PNLIPRP1: variants seen among roughly 807,000 people sequenced by gnomAD.
PNLIPRP1 encodes inactive pancreatic lipase-related protein 1.
PNLIPRP1 carries 57 observed loss-of-function variants against 54.6 expected under a neutral mutation model. That is an observed-to-expected ratio of 1.04 (90% CI 0.84 to 1.30). PNLIPRP1 has a LOEUF of 1.30. Ranked by LOEUF, PNLIPRP1 falls within the 50% of genes most tolerant of loss-of-function variation. The pLI is 0.00. For synonymous variants in PNLIPRP1, 232 were observed against 208.8 expected (o/e 1.11, Z -0.96); for missense variants, 567 against 568.5 (o/e 1.00, Z 0.03).
chr10:116,592,804 T>C, intron 4 of PNLIPRP1: 1 of 500,070 alleles, frequency 2.0e-6, no homozygotes, highest in Non-Finnish European at 3.7e-6. Flanking sequence ...CTTCCATTTG[T>C]AGTGAGGGTA....
At chr10:116,607,145 G>T (rs1847948608) in intron 12 of PNLIPRP1, among the ~76,000 whole-genome samples, 1 of 151,846 alleles carries the variant, frequency 6.6e-6, no homozygotes, top group African/African-American at 2.4e-5. Context: ...TCCTACTAAG[G>T]AATCTGCCGA....
At chr10:116,608,612 A>C (rs1412374576) in intron 12 of PNLIPRP1, among the ~76,000 whole-genome samples, 1 of 152,204 alleles carries the variant, frequency 6.6e-6, no homozygotes, top group Non-Finnish European at 1.5e-5. Context: ...TGTGGTGAGG[A>C]TGCAGTTTGC....
rs782581818 is a variant in PNLIPRP1, at chr10:116,592,374, G to A, written c.205-42G>A. 3.2e-6 allele frequency: 5 copies of A among 1,554,094 alleles called. No individual in the cohort carries two copies. The African/African-American group carries it at 6.8e-5, about 21-fold the overall frequency. The stretch of plus-strand genomic sequence containing the variant: ...ATGAGGAAGGAAAAAGGCCTGTGAG[G>A]CTGGGCTGCGAAAACATGAAGCACT... On this transcript the variant is annotated intron_variant, in intron 3 of 12. Transcript: ENST00000358834.
chr10:116,608,811 G>A (rs999840563), intron 12 of PNLIPRP1, among the ~76,000 whole-genome samples: 2 of 152,206 alleles, frequency 1.3e-5, no homozygotes, highest in African/African-American at 4.8e-5. Context: ...CCACCGTCCT[G>A]TGTGACACTC....
intron 11 of PNLIPRP1, 29 bp from the exon 12 acceptor site, chr10:116,605,357 C>T: frequency 1.4e-6 from 2 of 1,453,844 alleles, no homozygotes; most frequent in Non-Finnish European, 1.9e-6. Flanking sequence ...TTTCCGTGAA[C>T]AGGGATGTTT....
intron 4 of PNLIPRP1, chr10:116,593,308 G>A (rs1416217037): frequency 1.3e-5 from 2 of 152,546 alleles, no homozygotes; most frequent in African/African-American, 2.4e-5. Context: ...ACATGGACAT[G>A]TGTGCAACTT....
chr10:116,597,781 A>C (rs1847761923), intron 6 of PNLIPRP1, 47 bp from the exon 7 acceptor site: 10 of 1,612,608 alleles, frequency 6.2e-6, no homozygotes, highest in Non-Finnish European at 8.5e-6. Flanking sequence ...TGCTGCTGAC[A>C]TCTACAGTCA....
chr10:116,591,869 G>A lies in PNLIPRP1; in HGVS notation c.148G>A (p.Glu50Lys), dbSNP rs1847644577. Reference sequence around the variant, plus strand: ...CCTGAAAATTCTCCCCTGGAGCCCTGAGAAGATCGGCACCCGCTTCCTGCT... The same window carrying A: ...CCTGAAAATTCTCCCCTGGAGCCCTAAGAAGATCGGCACCCGCTTCCTGCT... ...RPLKILPWSPEKIGTRFLLYT... is the reference protein window; with the variant it reads ...RPLKILPWSPKKIGTRFLLYT... The change falls in exon 3 of 13, where the codon GAG becomes AAG. Residue 50 changes from glutamate (E) to lysine (K), a missense_variant. Physicochemically the swap from Glu to Lys is moderately conservative, Grantham distance 56. Coordinates refer to ENST00000358834, the MANE Select transcript of PNLIPRP1 (RefSeq NM_006229.4). 1.2e-6 allele frequency: 2 copies of A among 1,614,102 alleles called. No homozygotes were observed. Among genetic ancestry groups the A allele is most frequent in the Admixed American group, 1.7e-5 (1 of 60,010 alleles).
At chr10:116,596,030 A>C in intron 5 of PNLIPRP1, 184 bp from the exon 6 acceptor site, 1 of 587,366 alleles carries the variant, frequency 1.7e-6, no homozygotes. Context: ...GGTTTGGCTG[A>C]AGAGTCTAGA....
chr10:116,604,681 C>CTTTTTTTTTT (rs1234478269), intron 11 of PNLIPRP1, among the ~76,000 whole-genome samples: 7 of 94,122 alleles, frequency 7.4e-5, no homozygotes, highest in South Asian at 4.3e-4. Flanking sequence ...CTTTCTCTCT[C>CTTTTTTTTTT]TTTTTTTTTT....
intron 12 of PNLIPRP1, 67 bp from the exon 13 acceptor site, chr10:116,608,976 CCAAACCAAAA>C (rs1378232790): frequency 1.9e-5 from 23 of 1,183,436 alleles, no homozygotes; most frequent in East Asian, 9.4e-5. Context: ...CCAAACCAAA[CCAAACCAAAA>C]CAAAACAAAA....
chr10:116,591,112 T>C lies in PNLIPRP1; in HGVS notation c.1-18T>C, dbSNP rs781783641. ...GGCAATGCCCGGTGAGACTGAATTA[T>C]GTTTAAATTTATTGTAGATGCTGAT... On this transcript the variant is annotated intron_variant, in intron 1 of 12. Transcript: ENST00000358834. 6.2e-6 allele frequency: 10 copies of C among 1,610,814 alleles called. No homozygotes were observed. The highest frequency in any genetic ancestry group is 7.6e-6 in the Non-Finnish European group (9 of 1,177,704).
chr10:116,609,016 T>C (rs1847982524), intron 12 of PNLIPRP1, 37 bp from the exon 13 acceptor site: 1 of 1,514,954 alleles, frequency 6.6e-7, no homozygotes, highest in Non-Finnish European at 9.2e-7. Flanking sequence ...TTTGCTAAGG[T>C]GACCCAAACT....
chr10:116,594,830 G>A lies in PNLIPRP1; in HGVS notation c.431G>A (p.Gly144Asp), dbSNP rs998634455. ...GCTGCCAACAACGTGCGAGTGGTGG[G>A]CGCCCAGGTGGCCCAGATGCTCGAC... Reference protein sequence around the residue: ...TQAANNVRVVGAQVAQMLDIL... With the variant: ...TQAANNVRVVDAQVAQMLDIL... Residue 144 changes from glycine to aspartate, a missense_variant, in exon 5 of 13, where the codon GGC becomes GAC. Transcript: ENST00000358834. 1 of 1,614,090 alleles carries A rather than the reference G, an allele frequency of 6.2e-7. No homozygotes were observed. Among genetic ancestry groups the A allele is most frequent in the Non-Finnish European group, 8.5e-7 (1 of 1,180,022 alleles).
chr10:116,609,056 C>A lies in PNLIPRP1; in HGVS notation c.1344C>A (p.Tyr448Ter). ...CAAAGCTTCCTTTTCTCCCCAGGTA[C>A]AACTTCTGTAGCGAAGACACAGTGC... The part of the protein sequence containing the change: ...TVQKGEEKTV[Y>*]NFCSEDTVRE... The change falls in exon 13 of 13, where the codon TAC (tyrosine) becomes TAA (stop). Residue 448 changes from tyrosine (Y) to a stop codon, truncating the protein, a stop_gained. Coordinates refer to ENST00000358834, the MANE Select transcript of PNLIPRP1 (RefSeq NM_006229.4). LOFTEE classifies it high-confidence loss of function. 6.2e-7 allele frequency: 1 copy of A among 1,611,628 alleles called. No homozygotes were observed. The highest frequency in any genetic ancestry group is 8.5e-7 in the Non-Finnish European group (1 of 1,177,646).
At chr10:116,605,718 G>A (rs1847926214) in intron 12 of PNLIPRP1, among the ~76,000 whole-genome samples, 165 bp downstream of exon 12, 1 of 152,148 alleles carries the variant, frequency 6.6e-6, no homozygotes, top group South Asian at 2.1e-4. Flanking sequence ...AGCATAAAAT[G>A]TTTCTGTTGG....
chr10:116,607,207 C>A (rs779244522), intron 12 of PNLIPRP1, among the ~76,000 whole-genome samples: 11 of 151,758 alleles, frequency 7.2e-5, no homozygotes, highest in Admixed American at 3.3e-4. Flanking sequence ...AGCCCTCCCC[C>A]TCTTTATTTC....
intron 12 of PNLIPRP1, among the ~76,000 whole-genome samples, chr10:116,608,414 C>T (rs775625324): frequency 2.4e-4 from 36 of 152,110 alleles, no homozygotes; most frequent in Non-Finnish European, 2.2e-4. Context: ...CCAGGTCCCC[C>T]GACTCCAGAG....
At chr10:116,594,640 A>T (rs1249155971) in intron 4 of PNLIPRP1, 90 bp from the exon 5 acceptor site, 1 of 1,387,044 alleles carries the variant, frequency 7.2e-7, no homozygotes, top group Non-Finnish European at 1.0e-6. Context: ...TAGCTAGGAG[A>T]AGAGAGAAGT....
Sources: gnomAD v4.1 joint callset for allele counts (sites outside exome capture counted in the v4.1 genomes callset) on GRCh38, gnomAD v4.1.1 for gene constraint, MANE v1.5 for transcripts, NCBI Gene and HGNC (gene_info 2026-07-23, HGNC 2026-07-21) for gene names.